The following CAMSAP1 variants were observed in gnomAD, a reference collection of about 807,000 sequenced individuals.
The protein encoded by CAMSAP1 is calmodulin-regulated spectrin-associated protein 1.
CAMSAP1 carries 58 observed loss-of-function variants against 143.5 expected under a neutral mutation model. The ratio of observed to expected loss-of-function variants is 0.40; its 90% CI spans 0.33 to 0.50. CAMSAP1 has a LOEUF of 0.50. Ranked by LOEUF, CAMSAP1 falls within the 20% of genes least tolerant of loss-of-function variation. The pLI, the probability that CAMSAP1 is intolerant of heterozygous loss-of-function variation, is 0.45. For synonymous variants in CAMSAP1, 945 were observed against 859.3 expected (o/e 1.10, Z -1.74); for missense variants, 1,969 against 2,115.7 (o/e 0.93, Z 1.36).
intron 5 of CAMSAP1, among the ~76,000 whole-genome samples, chr9:135,853,796 C>T (rs1241075338): frequency 2.0e-5 from 3 of 152,174 alleles, no homozygotes; most frequent in African/African-American, 4.8e-5. Flanking sequence ...ACAAAGGCAC[C>T]GCTTCTCCTG....
chr9:135,891,404 G>T (rs371188838), intron 1 of CAMSAP1, among the ~76,000 whole-genome samples: 1 of 152,200 alleles, frequency 6.6e-6, no homozygotes, highest in Non-Finnish European at 1.5e-5. Flanking sequence ...AGACGTGTAT[G>T]AGCCTGCAAG....
In CAMSAP1 at chr9:135,850,137, C is replaced by G; in HGVS notation, c.1045G>C (p.Ala349Pro). The change falls in exon 7 of 17, where the codon GCG becomes CCG. Residue 349 changes from alanine (A) to proline (P), a missense_variant and splice_region_variant. Around this residue, in one of 4 missense-constraint regions of CAMSAP1, gnomAD observed 221 missense variants for 298.2 expected, o/e 0.74. Transcript: ENST00000389532. ...QPRDVQELKD[A>P]KTVLHQKSSR... ...AACCTGGGGAATATCTGTCACTCAC[C>G]GTCTTTCAGCTCCTGAACATCCCTG... is the stretch of plus-strand genomic sequence containing the variant. 4.4e-6 allele frequency: 7 copies of G among 1,604,688 alleles called. No individual in the cohort carries two copies. Among genetic ancestry groups the G allele is most frequent in the Non-Finnish European group, 6.0e-6 (7 of 1,175,924 alleles).
chr9:135,832,231 G>A (rs995173400), intron 7 of CAMSAP1, among the ~76,000 whole-genome samples: 4 of 152,102 alleles, frequency 2.6e-5, no homozygotes, highest in African/African-American at 9.7e-5. Flanking sequence ...ATGATTAAGT[G>A]GAATTCCTCC....
chr9:135,891,881 A>G (rs1838301236), intron 1 of CAMSAP1, among the ~76,000 whole-genome samples: 1 of 152,238 alleles, frequency 6.6e-6, no homozygotes. Context: ...TTTCAGGACT[A>G]AAAAGTACAA....
chr9:135,823,205 C>G lies in CAMSAP1; in HGVS notation c.1456G>C (p.Asp486His), dbSNP rs767335766. 1 of 1,585,960 alleles carries G rather than the reference C, an allele frequency of 6.3e-7. No homozygotes were observed. The highest frequency in any genetic ancestry group is 1.7e-5 in the Admixed American group (1 of 57,748). The change falls in exon 11 of 17, where the codon GAT becomes CAT. Residue 486 changes from aspartate to histidine, a missense_variant. Asp to His is a moderately conservative substitution (Grantham distance 81). This residue lies in a region of CAMSAP1 where 1,390 missense variants were observed against 1,420.8 expected (regional missense o/e 0.98). Coordinates refer to ENST00000389532, the MANE Select transcript of CAMSAP1 (RefSeq NM_015447.4). ...CTGATGCTGTCGCCAGAGCTGGGAT[C>G]CACTTCACAACTCGCAGCGTGATGT... ...ALHHAASCEV[D>H]PSSGDSISLA...
intron 14 of CAMSAP1, 101 bp from the exon 15 acceptor site, chr9:135,816,106 A>T: frequency 9.5e-7 from 1 of 1,055,504 alleles, no homozygotes. Flanking sequence ...GAAGCACATC[A>T]GCAGGGGAGG....
intron 1 of CAMSAP1, among the ~76,000 whole-genome samples, chr9:135,906,661 G>A (rs985070679): frequency 1.3e-5 from 2 of 152,152 alleles, no homozygotes. Context: ...CGGCGGCCCC[G>A]CGTCCCCATG....
chr9:135,871,538 T>C (rs371873566), intron 3 of CAMSAP1, among the ~76,000 whole-genome samples: 9 of 152,214 alleles, frequency 5.9e-5, no homozygotes, highest in African/African-American at 2.2e-4. Flanking sequence ...TTGTTAGTAT[T>C]AACATGAAAT....
intron 7 of CAMSAP1, among the ~76,000 whole-genome samples, chr9:135,839,685 G>A (rs1836267612): frequency 6.6e-6 from 1 of 152,150 alleles, no homozygotes; most frequent in Admixed American, 6.5e-5. Context: ...GGCTAAGGCC[G>A]AGTGCACCCA....
At chr9:135,839,228 T>C (rs1442890353) in intron 7 of CAMSAP1, among the ~76,000 whole-genome samples, 1 of 152,242 alleles carries the variant, frequency 6.6e-6, no homozygotes, top group Non-Finnish European at 1.5e-5. Context: ...GCAGAGTGTA[T>C]GAGTCCCTAT....
At chr9:135,839,841 C>T (rs535630963) in intron 7 of CAMSAP1, among the ~76,000 whole-genome samples, 4 of 151,878 alleles carry the variant, frequency 2.6e-5, no homozygotes, top group Non-Finnish European at 5.9e-5. Context: ...GGGCCCCTGA[C>T]GACCACAGAT....
rs778458128 is a variant in CAMSAP1 at position 135,827,597 on chromosome 9, C to T, written c.1046-13G>A. 4 of 1,548,474 alleles carry T rather than the reference C, an allele frequency of 2.6e-6. No homozygotes were observed. The Admixed American group carries it at 5.4e-5, about 21-fold the overall frequency. On this transcript the variant is annotated splice_polypyrimidine_tract_variant and intron_variant, in intron 7 of 16. Transcript: ENST00000389532. ...AACACTGTTTTCGCTGCAGAAATAGCGTTTTTGCATCGTTACTTACAACAC... is the reference window on the plus strand; with the variant it reads ...AACACTGTTTTCGCTGCAGAAATAGTGTTTTTGCATCGTTACTTACAACAC...
intron 7 of CAMSAP1, 165 bp downstream of exon 7, chr9:135,849,972 A>G (rs1836715116): frequency 1.9e-6 from 1 of 536,296 alleles, no homozygotes; most frequent in East Asian, 3.1e-5. Flanking sequence ...AAAATCACTT[A>G]GAAAGCCTTT....
rs1835057597 is a variant in CAMSAP1 at position 135,811,676 on chromosome 9, G to A, written c.4507-65C>T. The A allele has an allele frequency of 1.0e-5, 15 of 1,480,204 alleles. No individual in the cohort carries two copies. Among genetic ancestry groups the A allele is most frequent in the African/African-American group, 8.4e-5 (6 of 71,754 alleles). 91.7% of individuals were successfully genotyped at this position (1,480,204 alleles called of 1,614,324 possible). ...GGGCCACTCCAATTGCCACGAGTTG[G>A]GCTCCCACAGCGGCTCAACCAGCAC... On this transcript the variant is annotated intron_variant, in intron 16 of 16. Transcript: ENST00000389532. The surrounding 1 kb of genome is among the most constrained non-coding windows in gnomAD (Gnocchi z 4.9).
intron 3 of CAMSAP1, among the ~76,000 whole-genome samples, chr9:135,878,060 A>G (rs1039353761): frequency 2.0e-5 from 3 of 152,168 alleles, no homozygotes; most frequent in Non-Finnish European, 4.4e-5. Context: ...ATCTAGTTAC[A>G]CAATCACCAG....
At chr9:135,898,848 C>A (rs141135278) in intron 1 of CAMSAP1, among the ~76,000 whole-genome samples, 3 of 152,324 alleles carry the variant, frequency 2.0e-5, no homozygotes, top group Admixed American at 6.5e-5. Context: ...ACCCAGTAAT[C>A]CCAAGCACAG....
At chr9:135,854,382 T>C (rs953103908) in intron 5 of CAMSAP1, among the ~76,000 whole-genome samples, 5 of 152,266 alleles carry the variant, frequency 3.3e-5, no homozygotes, top group Non-Finnish European at 5.9e-5. Flanking sequence ...TTATTAATTC[T>C]TTAAAACAAT....
intron 3 of CAMSAP1, among the ~76,000 whole-genome samples, chr9:135,879,897 C>A (rs1185033712): frequency 1.3e-5 from 2 of 151,498 alleles, no homozygotes; most frequent in Non-Finnish European, 2.9e-5. Flanking sequence ...TGCACAGTAC[C>A]GTACCAAGCA....
At chr9:135,867,800 G>C (rs946600542) in intron 3 of CAMSAP1, among the ~76,000 whole-genome samples, 1 of 152,220 alleles carries the variant, frequency 6.6e-6, no homozygotes, top group African/African-American at 2.4e-5. Context: ...CAAGGCAAGA[G>C]GGGAACCCTG....
Sources: allele counts gnomAD v4.1 joint callset (sites outside exome capture counted in the v4.1 genomes callset), GRCh38; gene constraint gnomAD v4.1.1; regional missense constraint gnomAD v4.1.1; non-coding constraint Gnocchi (gnomAD v3.1); transcripts MANE v1.5; gene names NCBI Gene and HGNC (gene_info 2026-07-23, HGNC 2026-07-21).